The following LPP variants were observed in gnomAD, a reference collection of about 807,000 sequenced individuals.
LPP encodes the protein lipoma-preferred partner.
In LPP, 38 loss-of-function variants were observed where a neutral mutation model predicts 60.4. The observed-to-expected ratio is 0.63, with a 90% CI of 0.49 to 0.83. The LOEUF (loss-of-function observed/expected upper bound fraction) is 0.83. Among genes scored for constraint, LPP ranks in the 40% least tolerant of loss-of-function variants. The probability of loss-of-function intolerance (pLI) is 0.00; values close to 1 mark genes in which losing one functional copy is unlikely to be tolerated. For synonymous variants in LPP, 328 were observed against 290.8 expected, an observed-to-expected ratio of 1.13 and a Z score of -1.30; for missense variants, 902 against 783.6, an observed-to-expected ratio of 1.15 and a Z score of -1.80.
chr3:188,672,073 C>T (rs1370989324), intron 7 of LPP, among the ~76,000 whole-genome samples: 2 of 152,164 alleles, frequency 1.3e-5, no homozygotes, highest in Non-Finnish European at 2.9e-5. Context: ...ATTTTGAATG[C>T]TTTCTTGCTC....
chr3:188,215,495 A>G (rs764771178), intron 1 of LPP, among the ~76,000 whole-genome samples: 2 of 151,502 alleles, frequency 1.3e-5, no homozygotes, highest in Non-Finnish European at 2.9e-5. Flanking sequence ...GAATGTGACT[A>G]CTCTAGGTTC....
chr3:188,578,119 G>A (rs1382980410), intron 6 of LPP, among the ~76,000 whole-genome samples: 1 of 151,886 alleles, frequency 6.6e-6, no homozygotes. Flanking sequence ...TTTCAATATA[G>A]AGTGACCATC....
intron 8 of LPP, among the ~76,000 whole-genome samples, chr3:188,753,580 C>CGTGTGT (rs141731350): frequency 0.1 from 14,279 of 139,528 alleles, 792 homozygotes; most frequent in Middle Eastern, 0.27. Context: ...TTGTTGTGTG[C>CGTGTGT]GTGTGTGTGT....
chr3:188,203,509 ATATT>A (rs1268831544), intron 1 of LPP, among the ~76,000 whole-genome samples: 1 of 67,484 alleles, frequency 1.5e-5, no homozygotes, highest in African/African-American at 5.3e-5. Context: ...ATAAATATAT[ATATT>A]TAAATATATA....
chr3:188,766,578 T>C (rs939755704), intron 9 of LPP, among the ~76,000 whole-genome samples: 2 of 152,186 alleles, frequency 1.3e-5, no homozygotes, highest in African/African-American at 2.4e-5. Context: ...CTTAGTTCCA[T>C]AGAGTATGAG....
At chr3:188,415,899 C>T (rs1052918644) in intron 4 of LPP, among the ~76,000 whole-genome samples, 8 of 152,002 alleles carry the variant, frequency 5.3e-5, no homozygotes, top group African/African-American at 1.9e-4. Flanking sequence ...GATAAAGTTA[C>T]ATAGAACTGT....
chr3:188,276,063 T>TA (rs1560189077), intron 2 of LPP, among the ~76,000 whole-genome samples: 1 of 152,208 alleles, frequency 6.6e-6, no homozygotes, highest in Non-Finnish European at 1.5e-5. Flanking sequence ...AGTGTGACTT[T>TA]AAAAAATGAT....
rs1050228328 is a variant in LPP, at chr3:188,182,509, C to G, written c.-190+28257C>G. Among the ~76,000 whole-genome samples the G allele has an allele frequency of 6.6e-6, 1 of 152,088 alleles. No individual in the cohort carries two copies. Among genetic ancestry groups the G allele is most frequent in the African/African-American group, 2.4e-5 (1 of 41,402 alleles). On this transcript the variant is annotated intron_variant, in intron 1 of 11. Transcript: ENST00000617246. The surrounding 1 kb of genome is among the most constrained non-coding windows in gnomAD (Gnocchi z 4.4). Reference sequence around the variant, plus strand: ...CCAGCTGCCATCTGGCCTAGTGAGACCTATGTGGCTGCCATTGTTTTTGGC... The same window carrying G: ...CCAGCTGCCATCTGGCCTAGTGAGAGCTATGTGGCTGCCATTGTTTTTGGC...
intron 7 of LPP, among the ~76,000 whole-genome samples, chr3:188,636,458 A>T (rs966634141): frequency 3.3e-5 from 5 of 152,200 alleles, no homozygotes; most frequent in African/African-American, 1.2e-4. Context: ...TCAAACTGCA[A>T]GGCTGCAGCA....
At chr3:188,514,000 G>A (rs1210981986) in intron 5 of LPP, among the ~76,000 whole-genome samples, 1 of 152,130 alleles carries the variant, frequency 6.6e-6, no homozygotes, top group African/African-American at 2.4e-5. Context: ...TTTTTGTAGA[G>A]GTAAAAGTTG....
intron 9 of LPP, among the ~76,000 whole-genome samples, chr3:188,772,793 T>G (rs200081152): frequency 6.6e-6 from 1 of 152,120 alleles, no homozygotes; most frequent in African/African-American, 2.4e-5. Context: ...GTGAACCTAT[T>G]GCTGCTCTGA....
intron 5 of LPP, among the ~76,000 whole-genome samples, chr3:188,499,834 C>T (rs142189380): frequency 4.6e-5 from 7 of 152,094 alleles, no homozygotes; most frequent in South Asian, 4.1e-4. Context: ...TATTTATTCA[C>T]GTTAATTTCT....
At chr3:188,413,530 G>A (rs1488942858) in intron 4 of LPP, among the ~76,000 whole-genome samples, 1 of 152,122 alleles carries the variant, frequency 6.6e-6, no homozygotes, top group Non-Finnish European at 1.5e-5. Flanking sequence ...TTTTCTGGAT[G>A]AGCGTAAGCA....
At chr3:188,695,580 A>T (rs1863067237) in intron 7 of LPP, among the ~76,000 whole-genome samples, 1 of 152,234 alleles carries the variant, frequency 6.6e-6, no homozygotes, top group African/African-American at 2.4e-5. Context: ...AGATGAAGGC[A>T]TCTACCCAGC....
intron 2 of LPP, among the ~76,000 whole-genome samples, chr3:188,253,896 G>A (rs1369012093): frequency 2.0e-5 from 3 of 152,052 alleles, no homozygotes; most frequent in African/African-American, 7.2e-5. Context: ...CTGGTTCCTC[G>A]CCGCATGGTA....
chr3:188,496,162 G>A (rs929828288), intron 5 of LPP, among the ~76,000 whole-genome samples: 8 of 151,624 alleles, frequency 5.3e-5, no homozygotes, highest in Admixed American at 3.9e-4. Context: ...TTCTTGCTCT[G>A]TTGCCCAGTC....
intron 5 of LPP, among the ~76,000 whole-genome samples, chr3:188,516,857 G>T (rs2150095461): frequency 6.6e-6 from 1 of 152,086 alleles, no homozygotes; most frequent in Admixed American, 6.5e-5. Flanking sequence ...TCCTCCTGGT[G>T]GTTCTGTATA....
chr3:188,300,985 T>A (rs1749652857), intron 2 of LPP, among the ~76,000 whole-genome samples: 1 of 152,222 alleles, frequency 6.6e-6, no homozygotes. Flanking sequence ...GATTTATCCC[T>A]TTGTCTCTAT....
At chr3:188,512,523 C>T (rs187976071) in intron 5 of LPP, among the ~76,000 whole-genome samples, 14 of 151,242 alleles carry the variant, frequency 9.3e-5, no homozygotes, top group East Asian at 5.8e-4. Flanking sequence ...AGTGCCATTG[C>T]GCTCTAGTCT....
Sources: gnomAD v4.1 joint callset for allele counts (sites outside exome capture counted in the v4.1 genomes callset) on GRCh38, gnomAD v4.1.1 for gene constraint, Gnocchi (gnomAD v3.1) non-coding constraint, MANE v1.5 for transcripts, NCBI Gene and HGNC (gene_info 2026-07-23, HGNC 2026-07-21) for gene names.